The following SEMA6D variants were observed in gnomAD, a reference collection of about 807,000 sequenced individuals.
The protein encoded by SEMA6D is semaphorin 6D.
A neutral mutation model predicts 106.6 loss-of-function variants in SEMA6D; 35 were observed. The observed-to-expected ratio is 0.33, with a 90% CI of 0.25 to 0.44. The LOEUF is 0.44. Ranked by LOEUF, SEMA6D falls within the 20% of genes least tolerant of loss-of-function variation. SEMA6D has a pLI of 1.00. For missense variants in SEMA6D, 1,185 were observed against 1,345.9 expected (o/e 0.88, Z 1.87); for synonymous variants, 499 against 487.7 (o/e 1.02, Z -0.31).
Position 47,582,561 on chromosome 15 carries a change from G to C in SEMA6D, c.-86-18304G>C, listed in dbSNP as rs895467338. On this transcript the variant is annotated intron_variant, in intron 3 of 19. Transcript: ENST00000558014. Reference sequence around the variant, plus strand: ...AAGAGGCTGCTGGGTGTCTTGTGAGGGTCTGGAGCAGGTGGCCCTGTGTGC... The same window carrying C: ...AAGAGGCTGCTGGGTGTCTTGTGAGCGTCTGGAGCAGGTGGCCCTGTGTGC... Among the ~76,000 whole-genome samples the C allele has an allele frequency of 2.0e-5, 3 of 152,236 alleles. No homozygotes were observed. In the East Asian group the frequency reaches 5.8e-4, roughly 29 times the overall value.
At chr15:47,261,529 T>C (rs779179153) in intron 1 of SEMA6D, among the ~76,000 whole-genome samples, 2 of 152,194 alleles carry the variant, frequency 1.3e-5, no homozygotes, top group African/African-American at 2.4e-5. Flanking sequence ...TTCGTTGATA[T>C]ATACATCACC....
intron 1 of SEMA6D, among the ~76,000 whole-genome samples, chr15:47,237,042 C>G (rs1005141228): frequency 6.6e-6 from 1 of 152,122 alleles, no homozygotes; most frequent in Non-Finnish European, 1.5e-5. Context: ...TTATCACCGA[C>G]TTTTAGAATT....
chr15:47,716,121 A>G (rs1214181649), upstream of SEMA6D, among the ~76,000 whole-genome samples: 1 of 152,238 alleles, frequency 6.6e-6, no homozygotes, highest in Non-Finnish European at 1.5e-5. Flanking sequence ...GAAAAAAATC[A>G]CAGAGCTGTG....
At chr15:47,248,627 A>G (rs1405263162) in intron 1 of SEMA6D, among the ~76,000 whole-genome samples, 1 of 152,234 alleles carries the variant, frequency 6.6e-6, no homozygotes, top group Non-Finnish European at 1.5e-5. Flanking sequence ...TTTTAATGAC[A>G]TTGGGAGTCT....
intron 1 of SEMA6D, among the ~76,000 whole-genome samples, chr15:47,278,640 G>A (rs1340948845): frequency 6.6e-6 from 1 of 151,930 alleles, no homozygotes; most frequent in Non-Finnish European, 1.5e-5. Context: ...TGTCAATTTT[G>A]GCTTTTGTTA....
chr15:47,514,294 A>G (rs1465953164), intron 3 of SEMA6D, among the ~76,000 whole-genome samples: 1 of 152,156 alleles, frequency 6.6e-6, no homozygotes, highest in African/African-American at 2.4e-5. Context: ...ATTCTTTTCT[A>G]TGTGCATTCA....
intron 1 of SEMA6D, among the ~76,000 whole-genome samples, chr15:47,375,387 T>C (rs1204334755): frequency 6.6e-6 from 1 of 152,178 alleles, no homozygotes; most frequent in Non-Finnish European, 1.5e-5. Flanking sequence ...TCTTTTACTC[T>C]CCCATTCCAC....
chr15:47,666,078 A>G (rs1258045729), intron 4 of SEMA6D, among the ~76,000 whole-genome samples: 1 of 152,226 alleles, frequency 6.6e-6, no homozygotes, highest in Non-Finnish European at 1.5e-5. Flanking sequence ...CCCCAGCAGC[A>G]TGAGAGTTCA....
chr15:47,566,033 G>A (rs1192899697), intron 3 of SEMA6D, among the ~76,000 whole-genome samples: 2 of 152,160 alleles, frequency 1.3e-5, no homozygotes, highest in East Asian at 1.9e-4. Flanking sequence ...AGGGATATAG[G>A]CCTTCACAGT....
chr15:47,357,406 A>G (rs2038628621), intron 1 of SEMA6D, among the ~76,000 whole-genome samples: 2 of 152,166 alleles, frequency 1.3e-5, no homozygotes, highest in South Asian at 4.1e-4. Flanking sequence ...CCAAAACAAA[A>G]CAAAACAAAA....
intron 1 of SEMA6D, among the ~76,000 whole-genome samples, chr15:47,273,318 C>T (rs2034646477): frequency 6.6e-6 from 1 of 151,316 alleles, no homozygotes; most frequent in African/African-American, 2.4e-5. Flanking sequence ...CAGACAACAA[C>T]ATCTCTACTC....
chr15:47,741,333 G>C (rs926971507), intron 1 of SEMA6D, among the ~76,000 whole-genome samples: 2 of 152,212 alleles, frequency 1.3e-5, no homozygotes, highest in Non-Finnish European at 2.9e-5. Flanking sequence ...TGCTTTGTTA[G>C]CATGCAACCC....
chr15:47,348,279 G>T (rs1271271893), intron 1 of SEMA6D, among the ~76,000 whole-genome samples: 1 of 152,082 alleles, frequency 6.6e-6, no homozygotes, highest in East Asian at 1.9e-4. Flanking sequence ...TATGACCCTG[G>T]AAAAGTTACC....
chr15:47,629,799 T>C (rs1179279951), intron 4 of SEMA6D, among the ~76,000 whole-genome samples: 1 of 151,884 alleles, frequency 6.6e-6, no homozygotes, highest in East Asian at 1.9e-4. Flanking sequence ...GAATGTATAA[T>C]ATTTGTCTTT....
At chr15:47,397,000 A>G (rs760685357) in intron 1 of SEMA6D, among the ~76,000 whole-genome samples, 1 of 152,184 alleles carries the variant, frequency 6.6e-6, no homozygotes, top group Non-Finnish European at 1.5e-5. Flanking sequence ...ATTATTAAGG[A>G]TATTTCAAGA....
intron 3 of SEMA6D, among the ~76,000 whole-genome samples, chr15:47,480,024 A>C (rs978929339): frequency 7.0e-6 from 1 of 142,162 alleles, no homozygotes; most frequent in African/African-American, 2.6e-5. Context: ...CACCTGATTA[A>C]TTTTTTTTTT....
chr15:47,604,321 A>G (rs2076728004), intron 4 of SEMA6D: 1 of 152,248 alleles, frequency 6.6e-6, no homozygotes, highest in African/African-American at 2.4e-5. Context: ...TTATTACAGT[A>G]TGTAATACCT....
intron 2 of SEMA6D, among the ~76,000 whole-genome samples, chr15:47,426,924 A>G (rs1287852015): frequency 2.6e-5 from 4 of 152,160 alleles, no homozygotes; most frequent in Non-Finnish European, 5.9e-5. Context: ...AAAAAGACAT[A>G]ATGATCATTT....
chr15:47,621,099 G>A (rs1208242285), intron 4 of SEMA6D, among the ~76,000 whole-genome samples: 1 of 152,114 alleles, frequency 6.6e-6, no homozygotes, highest in African/African-American at 2.4e-5. Flanking sequence ...TGAGAAAATA[G>A]CCTAGAACTA....
Sources: gnomAD v4.1 joint callset for allele counts (sites outside exome capture counted in the v4.1 genomes callset) on GRCh38, gnomAD v4.1.1 for gene constraint, MANE v1.5 for transcripts, NCBI Gene and HGNC (gene_info 2026-07-23, HGNC 2026-07-21) for gene names.